UGT1A10: variants seen among roughly 807,000 people sequenced by gnomAD.
UGT1A10 encodes the protein UDP-glucuronosyltransferase 1A10.
Under a neutral mutation model 45.8 loss-of-function variants are expected in UGT1A10, and 49 were observed. The ratio of observed to expected loss-of-function variants is 1.07; its 90% CI spans 0.85 to 1.36. The LOEUF is 1.36. UGT1A10 is among the 40% of genes most tolerant of loss of function. The pLI is 0.00. For synonymous variants in UGT1A10, 284 were observed against 249.7 expected, an observed-to-expected ratio of 1.14 and a Z score of -1.29; for missense variants, 745 against 668.6, an observed-to-expected ratio of 1.11 and a Z score of -1.26.
chr2:233,665,282 G>C (rs2074049883), intron 1 of UGT1A10, among the ~76,000 whole-genome samples: 1 of 152,174 alleles, frequency 6.6e-6, no homozygotes, highest in African/African-American at 2.4e-5. Context: ...TATTGATATA[G>C]ATTTAGGCAT....
chr2:233,737,590 T>C (rs2078898142), intron 1 of UGT1A10, among the ~76,000 whole-genome samples: 1 of 152,212 alleles, frequency 6.6e-6, no homozygotes, highest in Non-Finnish European at 1.5e-5. Context: ...CCCAATGAGA[T>C]GAACCAGGTA....
At chr2:233,751,873 T>C (rs1694839350) in intron 1 of UGT1A10, among the ~76,000 whole-genome samples, 1 of 152,168 alleles carries the variant, frequency 6.6e-6, no homozygotes, top group African/African-American at 2.4e-5. Flanking sequence ...AATTACCCCG[T>C]CTTGGGTATG....
chr2:233,642,919 T>C (rs1360801939), intron 1 of UGT1A10, among the ~76,000 whole-genome samples: 2 of 152,172 alleles, frequency 1.3e-5, no homozygotes, highest in Non-Finnish European at 2.9e-5. Flanking sequence ...TCTCTCTCTG[T>C]TCTGAGCCAC....
intron 1 of UGT1A10, among the ~76,000 whole-genome samples, chr2:233,705,479 T>C (rs961501470): frequency 1.1e-4 from 17 of 152,182 alleles, no homozygotes; most frequent in African/African-American, 3.9e-4. Flanking sequence ...ATGAGGCAAA[T>C]TTAATGATAA....
chr2:233,680,195 C>G (rs2074477959), intron 1 of UGT1A10, among the ~76,000 whole-genome samples: 1 of 152,094 alleles, frequency 6.6e-6, no homozygotes, highest in African/African-American at 2.4e-5. Context: ...CTTGCAGCAT[C>G]ATTAGTTGCA....
chr2:233,768,250 A>G lies in UGT1A10; in HGVS notation c.1106A>G (p.His369Arg). 1 of 1,614,148 alleles carries G rather than the reference A, an allele frequency of 6.2e-7. No individual in the cohort carries two copies. Among genetic ancestry groups the G allele is most frequent in the South Asian group, 1.1e-5 (1 of 91,078 alleles). ...GHPMTRAFITHAGSHGVYESI... is the reference protein window; with the variant it reads ...GHPMTRAFITRAGSHGVYESI... ...CCGATGACCCGTGCCTTTATCACCC[A>G]TGCTGGTTCCCATGGTGTTTATGAA... The change falls in exon 4 of 5, where the codon CAT becomes CGT. Residue 369 changes from histidine to arginine, a missense_variant. Transcript: ENST00000344644.
intron 1 of UGT1A10, among the ~76,000 whole-genome samples, chr2:233,641,481 TA>T (rs2073450753): frequency 6.6e-6 from 1 of 152,214 alleles, no homozygotes; most frequent in African/African-American, 2.4e-5. Flanking sequence ...AAAAGTTGTT[TA>T]GTTATTATTT....
intron 1 of UGT1A10, among the ~76,000 whole-genome samples, chr2:233,720,635 C>T (rs1197990739): frequency 6.6e-6 from 1 of 151,750 alleles, no homozygotes; most frequent in Non-Finnish European, 1.5e-5. Context: ...TGAAATAGTA[C>T]TCTGGGATGT....
At chr2:233,748,764 A>G (rs1260717219) in intron 1 of UGT1A10, among the ~76,000 whole-genome samples, 3 of 151,530 alleles carry the variant, frequency 2.0e-5, no homozygotes, top group Non-Finnish European at 4.4e-5. Flanking sequence ...TTTTGGTTGC[A>G]GGTCAATTGG....
Position 233,760,930 on chromosome 2 carries a change from A to G in UGT1A10, c.856-6104A>G, listed in dbSNP as rs144398951. 63 of 1,614,176 alleles carry G rather than the reference A, an allele frequency of 3.9e-5. 1 individual carries two copies. In the Middle Eastern group the frequency reaches 1.3e-3, roughly 34 times the overall value. On this transcript the variant is annotated intron_variant, in intron 1 of 4. Coordinates refer to ENST00000344644, the MANE Select transcript of UGT1A10 (RefSeq NM_019075.4). ...CCTGCAGCGGGTGAAGAACATGCTC[A>G]TTGCCTTTTCACAGAACTTTCTGTG...
intron 1 of UGT1A10, among the ~76,000 whole-genome samples, chr2:233,717,476 A>C (rs2076577625): frequency 6.6e-6 from 1 of 152,234 alleles, no homozygotes; most frequent in Non-Finnish European, 1.5e-5. Context: ...TTGTGTCCAA[A>C]GGTGGAATCT....
At chr2:233,655,426 C>T (rs2073833765) in intron 1 of UGT1A10, among the ~76,000 whole-genome samples, 1 of 152,196 alleles carries the variant, frequency 6.6e-6, no homozygotes, top group Admixed American at 6.5e-5. Flanking sequence ...GCACTGGAAG[C>T]TGGCCACATC....
intron 1 of UGT1A10, among the ~76,000 whole-genome samples, chr2:233,676,032 C>T (rs2074343730): frequency 6.6e-6 from 1 of 152,166 alleles, no homozygotes; most frequent in Non-Finnish European, 1.5e-5. Context: ...CATACATATA[C>T]ATCCTTGGCC....
At chr2:233,671,835 C>T (rs1211281534) in intron 1 of UGT1A10, 12 of 1,460,386 alleles carry the variant, frequency 8.2e-6, no homozygotes, top group African/African-American at 1.4e-5. Flanking sequence ...GATAAAAACA[C>T]GCCCTCTATT....
At chr2:233,725,101 C>G (rs1177502962) in intron 1 of UGT1A10, among the ~76,000 whole-genome samples, 4 of 143,214 alleles carry the variant, frequency 2.8e-5, no homozygotes, top group African/African-American at 1.1e-4. Context: ...GCAGGAGAAT[C>G]AGGCAGGGAG....
At chr2:233,682,102 G>A (rs530813077) in intron 1 of UGT1A10, 1 of 1,614,164 alleles carries the variant, frequency 6.2e-7, no homozygotes, top group Non-Finnish European at 8.5e-7. Context: ...GGCATGAGGT[G>A]GTCGTAGTCA....
chr2:233,646,828 G>C (rs2073616457), intron 1 of UGT1A10, among the ~76,000 whole-genome samples: 1 of 152,166 alleles, frequency 6.6e-6, no homozygotes, highest in African/African-American at 2.4e-5. Context: ...ACCTCTGCCT[G>C]TTACCCAGTT....
intron 1 of UGT1A10, among the ~76,000 whole-genome samples, chr2:233,666,206 T>G (rs1383079657): frequency 6.6e-6 from 1 of 152,124 alleles, no homozygotes; most frequent in Non-Finnish European, 1.5e-5. Context: ...TTGCTGAAAC[T>G]AATAGATGGG....
At chr2:233,717,182 C>A (rs1378916239) in intron 1 of UGT1A10, among the ~76,000 whole-genome samples, 1 of 152,140 alleles carries the variant, frequency 6.6e-6, no homozygotes, top group Non-Finnish European at 1.5e-5. Context: ...GCAAGAGCAC[C>A]CTCCCAGGCA....
Sources: gnomAD v4.1 joint callset for allele counts (sites outside exome capture counted in the v4.1 genomes callset) on GRCh38, gnomAD v4.1.1 for gene constraint, MANE v1.5 for transcripts, NCBI Gene and HGNC (gene_info 2026-07-23, HGNC 2026-07-21) for gene names.